EEF1B2: variants seen among roughly 807,000 people sequenced by gnomAD.
EEF1B2 encodes the protein eukaryotic translation elongation factor 1 beta 2.
A neutral mutation model predicts 28.3 loss-of-function variants in EEF1B2; 12 were observed. The observed-to-expected ratio is 0.42, with a 90% CI of 0.27 to 0.69. EEF1B2 has a LOEUF of 0.69. Among genes scored for constraint, EEF1B2 ranks in the 30% least tolerant of loss-of-function variants. The pLI, the probability that EEF1B2 is intolerant of heterozygous loss-of-function variation, is 0.22. For missense variants in EEF1B2, 234 were observed against 272.6 expected (o/e 0.86, Z 1.00); for synonymous variants, 83 against 99.9 (o/e 0.83, Z 1.01).
chr2:206,159,947 G>T lies in EEF1B2; in HGVS notation c.-33G>T. ...CCCACAATTTGCGCGCTCTCTTTCT[G>T]CTGCTCCCCAGCTCTCGGATACAGC... is the stretch of plus-strand genomic sequence containing the variant. On this transcript the variant is annotated 5_prime_UTR_variant, in exon 1 of 6. Transcript: ENST00000392222. 6.2e-7 allele frequency: 1 copy of T among 1,605,462 alleles called. No individual in the cohort carries two copies.
intron 2 of EEF1B2, 45 bp from the exon 3 acceptor site, chr2:206,161,301 A>G (rs754663628): frequency 6.2e-7 from 1 of 1,607,906 alleles, no homozygotes; most frequent in Non-Finnish European, 8.5e-7. Context: ...CTGGAAAAGG[A>G]TGTTATACTA....
At chr2:206,160,550 T>C (rs1687889361) in intron 1 of EEF1B2, 38 bp from the exon 2 acceptor site, 1 of 1,613,690 alleles carries the variant, frequency 6.2e-7, no homozygotes, top group East Asian at 2.2e-5. Context: ...GCGTTTGTTT[T>C]TCAAAGGTGT....
At chr2:206,160,402 C>A (rs967165714) in intron 1 of EEF1B2, among the ~76,000 whole-genome samples, 186 bp from the exon 2 acceptor site, 1 of 152,174 alleles carries the variant, frequency 6.6e-6, no homozygotes, top group Non-Finnish European at 1.5e-5. Flanking sequence ...GCAGACATTT[C>A]TCAGGATAGC....
Position 206,162,273 on chromosome 2 carries a change from G to A in EEF1B2, c.397+169G>A, listed in dbSNP as rs776057247. The A allele has an allele frequency of 2.8e-6, 3 of 1,075,838 alleles. No homozygotes were observed. The South Asian group carries it at 3.8e-5, about 13-fold the overall frequency. 66.6% of individuals were successfully genotyped at this position (1,075,838 alleles called of 1,614,324 possible). ...AGCTGTTCTTATGGTAGCAGTTGTG[G>A]CATTCCTCTGTGGGAAAGAAACTGT... On this transcript the variant is annotated intron_variant, in intron 4 of 5. Transcript: ENST00000392222.
chr2:206,160,840 C>T lies in EEF1B2; in HGVS notation c.203+130C>T, dbSNP rs1329808215. ...TATTGTAAGCTAAATTTTTCTGTAA[C>T]CTTAGAAGGCCAAGAGACTGAAGCC... On this transcript the variant is annotated intron_variant, in intron 2 of 5. Transcript: ENST00000392222. 3.6e-6 allele frequency: 5 copies of T among 1,386,930 alleles called. No individual in the cohort carries two copies. In the Middle Eastern group the frequency reaches 7.1e-4, roughly 197 times the overall value. 85.9% of individuals were successfully genotyped at this position (1,386,930 alleles called of 1,614,324 possible).
At chr2:206,161,075 C>T (rs1285108703) in intron 2 of EEF1B2, 10 of 571,988 alleles carry the variant, frequency 1.7e-5, no homozygotes, top group Non-Finnish European at 3.1e-5. Flanking sequence ...AAGAATGGAA[C>T]TGAGCATACT....
chr2:206,160,211 C>G (rs1263754467), intron 1 of EEF1B2, 152 bp downstream of exon 1: 1 of 1,074,568 alleles, frequency 9.3e-7, no homozygotes, highest in African/African-American at 1.6e-5. Flanking sequence ...TGCCGTCTCC[C>G]AAGGCCCTCG....
At chr2:206,161,080 C>A in intron 2 of EEF1B2, 1 of 571,746 alleles carries the variant, frequency 1.7e-6, no homozygotes. Context: ...TGGAACTGAG[C>A]ATACTTAATG....
In EEF1B2 at chr2:206,159,953, C is replaced by T. The variant is rs1316734037; in HGVS notation, c.-27C>T. 13 of 1,608,156 alleles carry T rather than the reference C, an allele frequency of 8.1e-6. No homozygotes were observed. In the East Asian group the frequency reaches 2.2e-4, roughly 28 times the overall value. On this transcript the variant is annotated 5_prime_UTR_variant, in exon 1 of 6. Coordinates refer to ENST00000392222, the MANE Select transcript of EEF1B2 (RefSeq NM_001959.4). Reference sequence around the variant, plus strand: ...ATTTGCGCGCTCTCTTTCTGCTGCTCCCCAGCTCTCGGATACAGCCGACAC... The same window carrying T: ...ATTTGCGCGCTCTCTTTCTGCTGCTTCCCAGCTCTCGGATACAGCCGACAC...
At position 206,161,454 on chromosome 2, in the gene EEF1B2, T is replaced by C. The variant is rs910634963; in HGVS notation, c.312T>C (p.Phe104=). Residue 104 remains phenylalanine, a synonymous_variant, in exon 3 of 6, where the codon TTT becomes TTC. Transcript: ENST00000392222. ...AAGATGATGATGACATTGACCTCTT[T>C]GGATCTGATGATGAGGAGGTATGGC... The part of the protein sequence containing the change: ...DSKDDDDIDL[F]GSDDEEESEE... 20 of 1,613,868 alleles carry C rather than the reference T, an allele frequency of 1.2e-5. No individual in the cohort carries two copies. The African/African-American group carries it at 2.0e-4, about 16-fold the overall frequency.
At chr2:206,159,736 A>G (rs1687841121), upstream of EEF1B2, 1 of 423,156 alleles carries the variant, frequency 2.4e-6, no homozygotes, top group East Asian at 3.8e-5. Context: ...AACGCAACGA[A>G]AGGTCCATGG....
intron 4 of EEF1B2, 81 bp from the exon 5 acceptor site, chr2:206,162,408 T>A: frequency 1.3e-6 from 2 of 1,585,862 alleles, no homozygotes; most frequent in Non-Finnish European, 1.7e-6. Context: ...CAAAACAAAT[T>A]GAGATGGATT....
chr2:206,161,767 C>A (rs3755228), intron 3 of EEF1B2: 3 of 423,288 alleles, frequency 7.1e-6, no homozygotes, highest in East Asian at 4.1e-5. Flanking sequence ...AGACTCCGTC[C>A]CAAAAAAAAA....
intron 3 of EEF1B2, 106 bp from the exon 4 acceptor site, chr2:206,161,932 G>A (rs777692143): frequency 4.7e-5 from 44 of 927,330 alleles, no homozygotes; most frequent in Non-Finnish European, 7.9e-5. Context: ...GTTCGTGATG[G>A]ATTTGCTTTT....
At chr2:206,161,747 C>T (rs3755229) in intron 3 of EEF1B2, 227,350 of 512,608 alleles carry the variant, frequency 0.44, 53,991 homozygotes, top group African/African-American at 0.64. Flanking sequence ...CCAGCCTGGG[C>T]GACAGAGCGA....
rs775431732 is a variant in EEF1B2 at position 206,162,686 on chromosome 2, A to G, written c.524-43A>G. On this transcript the variant is annotated intron_variant, in intron 5 of 5. Coordinates refer to ENST00000392222, the MANE Select transcript of EEF1B2 (RefSeq NM_001959.4). ...TTTGCCTACAGTTTCAACCTTTCCT[A>G]CAAGACTTTTCTAACTAGGATTTTT... 3.7e-6 allele frequency: 6 copies of G among 1,605,840 alleles called. No homozygotes were observed. In the African/African-American group the frequency reaches 5.5e-5, roughly 15 times the overall value.
intron 3 of EEF1B2, chr2:206,161,786 A>G: frequency 1.6e-6 from 1 of 631,756 alleles, no homozygotes; most frequent in East Asian, 2.9e-5. Flanking sequence ...AAAAAAAAGA[A>G]TACATCGATC....
At chr2:206,159,630 CG>C (rs1166716082), upstream of EEF1B2, 15 of 230,982 alleles carry the variant, frequency 6.5e-5, no homozygotes, top group East Asian at 1.5e-3. Flanking sequence ...CGGGCGTCTT[CG>C]GTCATCTCCG....
chr2:206,162,308 C>G (rs751363521), intron 4 of EEF1B2, 181 bp from the exon 5 acceptor site: 7 of 1,173,820 alleles, frequency 6.0e-6, no homozygotes, highest in Non-Finnish European at 9.0e-6. Context: ...TTAACACAAA[C>G]ACCTCTTTCT....
Sources: allele counts gnomAD v4.1 joint callset (sites outside exome capture counted in the v4.1 genomes callset), GRCh38; gene constraint gnomAD v4.1.1; transcripts MANE v1.5; gene names NCBI Gene and HGNC (gene_info 2026-07-23, HGNC 2026-07-21).